Variants in ERO1B observed in about 807,000 individuals in gnomAD.
ERO1B encodes endoplasmic reticulum oxidoreductase 1 beta.
In ERO1B, 49 loss-of-function variants were observed where a neutral mutation model predicts 75.3. That is an observed-to-expected ratio of 0.65 (90% CI 0.52 to 0.83). ERO1B has a LOEUF of 0.83. Ranked by LOEUF, ERO1B falls within the 40% of genes least tolerant of loss-of-function variation. ERO1B has a pLI of 0.00. For synonymous variants in ERO1B, 191 were observed against 192.9 expected (o/e 0.99, Z 0.08); for missense variants, 512 against 560.1 (o/e 0.91, Z 0.87).
At chr1:236,260,066 T>C (rs1034285375) in intron 2 of ERO1B, among the ~76,000 whole-genome samples, 3 of 152,088 alleles carry the variant, frequency 2.0e-5, no homozygotes, top group East Asian at 3.8e-4. Flanking sequence ...TAGAAATCAG[T>C]AATCAATGAA....
intron 6 of ERO1B, among the ~76,000 whole-genome samples, chr1:236,237,013 A>G (rs182337256): frequency 4.1e-4 from 62 of 152,142 alleles, no homozygotes; most frequent in African/African-American, 1.4e-3. Flanking sequence ...ACTAAAACAT[A>G]GTAGGCACAA....
intron 1 of ERO1B, among the ~76,000 whole-genome samples, chr1:236,280,209 A>G (rs1665802438): frequency 6.6e-6 from 1 of 152,262 alleles, no homozygotes; most frequent in Non-Finnish European, 1.5e-5. Flanking sequence ...TGAAGTTTCT[A>G]GACAGATAAG....
chr1:236,243,403 T>A lies in ERO1B; in HGVS notation c.505+19A>T. On this transcript the variant is annotated intron_variant, in intron 6 of 15. Coordinates refer to ENST00000354619, the MANE Select transcript of ERO1B (RefSeq NM_019891.4). ...GGTTAAAGTTAAAATAATTTAATTA[T>A]AATAGTTTATTGTATTACCATCAAG... 1 of 1,465,584 alleles carries A rather than the reference T, an allele frequency of 6.8e-7. No individual in the cohort carries two copies. The highest frequency in any genetic ancestry group is 9.3e-7 in the Non-Finnish European group (1 of 1,074,930). 90.8% of individuals were successfully genotyped at this position (1,465,584 alleles called of 1,614,324 possible).
At chr1:236,248,146 G>A (rs565687487) in intron 5 of ERO1B, among the ~76,000 whole-genome samples, 16 of 152,264 alleles carry the variant, frequency 1.1e-4, no homozygotes, top group Non-Finnish European at 2.2e-4. Flanking sequence ...CTAGAACAGT[G>A]CTTGGCACAT....
intron 9 of ERO1B, among the ~76,000 whole-genome samples, chr1:236,231,961 C>T (rs1558507960): frequency 6.6e-6 from 1 of 152,284 alleles, no homozygotes; most frequent in East Asian, 1.9e-4. Context: ...GGTCTCTTTA[C>T]TGTCTCCCCA....
At chr1:236,239,855 ATATG>A (rs1315419981) in intron 6 of ERO1B, among the ~76,000 whole-genome samples, 10 of 65,612 alleles carry the variant, frequency 1.5e-4, no homozygotes, top group East Asian at 1.3e-3. Context: ...ATATGTGTAT[ATATG>A]TATATATATA....
chr1:236,248,703 T>C (rs2102954345), intron 5 of ERO1B, among the ~76,000 whole-genome samples: 1 of 152,194 alleles, frequency 6.6e-6, no homozygotes, highest in Non-Finnish European at 1.5e-5. Flanking sequence ...AATAAAACTA[T>C]CTTATTTATA....
rs534767045 is a variant in ERO1B, at chr1:236,228,036, A to T, written c.713-1297T>A. ...ACTAAAACTTTTCATCAGATCTATTATCAAGTAACAAAATATCAGATTTGA... is the reference window on the plus strand; with the variant it reads ...ACTAAAACTTTTCATCAGATCTATTTTCAAGTAACAAAATATCAGATTTGA... On this transcript the variant is annotated intron_variant, in intron 10 of 15. Transcript: ENST00000354619. 3.3e-5 allele frequency among the ~76,000 whole-genome samples: 5 copies of T among 152,332 alleles called. No individual in the cohort carries two copies. In the South Asian group the frequency reaches 1.0e-3, roughly 32 times the overall value.
At position 236,233,309 on chromosome 1, in the gene ERO1B, C is replaced by CAAA. The variant is rs747020101; in HGVS notation, c.674-473_674-471dup. The stretch of plus-strand genomic sequence containing the variant: ...GGGCAACAAGAGCAAAATTCCGTCT[C>CAAA]AAAAAAAAAAAAAAGAAGAAGGCTG... On this transcript the variant is annotated intron_variant, in intron 8 of 15. Coordinates refer to ENST00000354619, the MANE Select transcript of ERO1B (RefSeq NM_019891.4). 6.5e-3 allele frequency among the ~76,000 whole-genome samples: 669 copies of CAAA among 103,150 alleles called. 6 individuals are homozygous for CAAA. The highest frequency in any genetic ancestry group is 0.021 in the African/African-American group (580 of 27,228). 67.7% of individuals were successfully genotyped at this position (103,150 alleles called of 152,430 possible). A position where few individuals can be genotyped will look rare whatever the true frequency, so the allele number is the denominator to read the frequency against.
chr1:236,221,091 A>C (rs545596827), intron 14 of ERO1B, 126 bp from the exon 15 acceptor site: 2 of 674,400 alleles, frequency 3.0e-6, no homozygotes, highest in African/African-American at 1.9e-5. Flanking sequence ...TTTTCACAAA[A>C]ATATTACTAC....
chr1:236,241,853 G>A (rs912817662), intron 6 of ERO1B, among the ~76,000 whole-genome samples: 4 of 152,186 alleles, frequency 2.6e-5, no homozygotes, highest in East Asian at 1.9e-4. Context: ...TGGATCACGA[G>A]GTCAGGAGAT....
At chr1:236,222,721 T>C (rs1239040625) in intron 13 of ERO1B, among the ~76,000 whole-genome samples, 1 of 152,216 alleles carries the variant, frequency 6.6e-6, no homozygotes, top group African/African-American at 2.4e-5. Flanking sequence ...TAAGCCTATA[T>C]CAGAAAGCTA....
intron 15 of ERO1B, 117 bp from the exon 16 acceptor site, chr1:236,218,693 A>C: frequency 1.2e-6 from 1 of 868,146 alleles, no homozygotes; most frequent in Non-Finnish European, 1.5e-6. Flanking sequence ...AAAAACCTCA[A>C]ACACTGAAGC....
intron 4 of ERO1B, among the ~76,000 whole-genome samples, chr1:236,251,665 C>T (rs532133502): frequency 6.6e-6 from 1 of 152,194 alleles, no homozygotes; most frequent in Admixed American, 6.5e-5. Flanking sequence ...TATCTTAATA[C>T]CATCTGAAAG....
chr1:236,265,672 TTAAAA>T (rs2102963643), intron 2 of ERO1B, among the ~76,000 whole-genome samples: 1 of 152,354 alleles, frequency 6.6e-6, no homozygotes, highest in South Asian at 2.1e-4. Flanking sequence ...CTTATCCTGC[TTAAAA>T]TAAAATCCAG....
chr1:236,238,539 TTAA>T (rs1352385759), intron 6 of ERO1B, among the ~76,000 whole-genome samples: 3,234 of 87,180 alleles, frequency 0.037, 67 homozygotes, highest in East Asian at 0.18. Context: ...TTTTTTTTTT[TTAA>T]AAAAAAAAAG....
intron 6 of ERO1B, among the ~76,000 whole-genome samples, chr1:236,239,813 A>ATATATATATGTGTATATATATG (rs1558510784): frequency 2.1e-5 from 1 of 47,308 alleles, no homozygotes. Context: ...ATATGTGTGT[A>ATATATATATGTGTATATATATG]TATATATATG....
chr1:236,248,817 T>C (rs573906771), intron 5 of ERO1B, among the ~76,000 whole-genome samples: 3 of 152,270 alleles, frequency 2.0e-5, no homozygotes, highest in Admixed American at 2.0e-4. Flanking sequence ...GGATTTTAAA[T>C]TTATCTGTGA....
At chr1:236,268,998 G>A (rs933484803) in intron 2 of ERO1B, among the ~76,000 whole-genome samples, 16 of 152,194 alleles carry the variant, frequency 1.1e-4, no homozygotes, top group Non-Finnish European at 1.6e-4. Context: ...ACTTTGGGAG[G>A]CTGAGGCAGG....
Sources: gnomAD v4.1 joint callset for allele counts (sites outside exome capture counted in the v4.1 genomes callset) on GRCh38, gnomAD v4.1.1 for gene constraint, MANE v1.5 for transcripts, NCBI Gene and HGNC (gene_info 2026-07-23, HGNC 2026-07-21) for gene names.